ARFGEF3: variants seen among roughly 807,000 people sequenced by gnomAD.
ARFGEF3 encodes the protein brefeldin A-inhibited guanine nucleotide-exchange protein 3.
ARFGEF3 carries 96 observed loss-of-function variants against 221.7 expected under a neutral mutation model. The ratio of observed to expected loss-of-function variants is 0.43; its 90% CI spans 0.37 to 0.51. The LOEUF is 0.51. Ranked by LOEUF, ARFGEF3 falls within the 20% of genes least tolerant of loss-of-function variation. ARFGEF3 has a pLI of 0.00. For missense variants in ARFGEF3, 2,410 were observed against 2,789.9 expected, an observed-to-expected ratio of 0.86 and a Z score of 3.07; for synonymous variants, 1,145 against 1,126.8, an observed-to-expected ratio of 1.02 and a Z score of -0.32.
At chr6:138,278,129 T>C (rs906484499) in intron 12 of ARFGEF3, among the ~76,000 whole-genome samples, 2 of 152,130 alleles carry the variant, frequency 1.3e-5, no homozygotes, top group African/African-American at 4.8e-5. Flanking sequence ...GGGCTCAAGC[T>C]AGGGATAGAA....
At chr6:138,231,429 A>T (rs935800518) in intron 5 of ARFGEF3, among the ~76,000 whole-genome samples, 1 of 152,182 alleles carries the variant, frequency 6.6e-6, no homozygotes, top group Non-Finnish European at 1.5e-5. Flanking sequence ...AGCCGGCTCT[A>T]CACTGCCTAG....
At chr6:138,298,484 T>C in intron 21 of ARFGEF3, 122 bp from the exon 22 acceptor site, 1 of 718,582 alleles carries the variant, frequency 1.4e-6, no homozygotes, top group Non-Finnish European at 2.2e-6. Context: ...CTTAGAATGT[T>C]TTGATTTTAA....
At chr6:138,175,838 G>A (rs1776934628) in intron 2 of ARFGEF3, among the ~76,000 whole-genome samples, 1 of 152,164 alleles carries the variant, frequency 6.6e-6, no homozygotes, top group Admixed American at 6.5e-5. Context: ...TGCTGTGAGT[G>A]GGATGTTGAA....
intron 10 of ARFGEF3, among the ~76,000 whole-genome samples, chr6:138,257,001 T>C (rs1017869571): frequency 2.0e-5 from 3 of 152,146 alleles, no homozygotes; most frequent in African/African-American, 7.2e-5. Flanking sequence ...CTCAAACTCC[T>C]GAGCTCAAGC....
At chr6:138,286,161 A>C in intron 15 of ARFGEF3, 108 bp downstream of exon 15, 1 of 781,844 alleles carries the variant, frequency 1.3e-6, no homozygotes, top group Non-Finnish European at 2.1e-6. Context: ...GGTTAGAAAA[A>C]GTAATTGGGC....
At position 138,334,625 on chromosome 6, in the gene ARFGEF3, G is replaced by C. The variant is rs1300907261; in HGVS notation, c.5779G>C (p.Glu1927Gln). The C allele has an allele frequency of 6.2e-7, 1 of 1,613,558 alleles. No homozygotes were observed. Among genetic ancestry groups the C allele is most frequent in the Non-Finnish European group, 8.5e-7 (1 of 1,179,874 alleles). ...GCACTTGGACCTGGAGAACTGTATG[G>C]AGGAGCCTCCCATCTTCAAGGGCGA... Reference protein sequence around the residue: ...QMHLDLENCMEEPPIFKGDPF... With the variant: ...QMHLDLENCMQEPPIFKGDPF... Residue 1927 changes from glutamate (E) to glutamine (Q), a missense_variant, in exon 33 of 34, where the codon GAG (glutamate) becomes CAG (glutamine). Physicochemically the swap from Glu to Gln is conservative, Grantham distance 29. Around this residue, in one of 5 missense-constraint regions of ARFGEF3, gnomAD observed 339 missense variants for 334.9 expected, o/e 1.01. Transcript: ENST00000251691. The surrounding 1 kb of genome is among the most constrained non-coding windows in gnomAD (Gnocchi z 5.1).
At chr6:138,205,987 G>A (rs958445648) in intron 2 of ARFGEF3, among the ~76,000 whole-genome samples, 6 of 152,232 alleles carry the variant, frequency 3.9e-5, no homozygotes, top group African/African-American at 1.4e-4. Context: ...GTGTTCTACA[G>A]CAGTAACCCT....
At chr6:138,308,947 T>G (rs970932063) in intron 24 of ARFGEF3, 86 bp downstream of exon 24, 2 of 1,522,544 alleles carry the variant, frequency 1.3e-6, no homozygotes, top group Non-Finnish European at 1.8e-6. Context: ...GCCTACTGAC[T>G]GTCTGGAACA....
In ARFGEF3 at chr6:138,291,604, T is replaced by C; in HGVS notation, c.3048-129T>C. 1.9e-6 allele frequency: 1 copy of C among 518,010 alleles called. No individual in the cohort carries two copies. The allele number at this position is 518,010 out of a possible 1,614,324, so 32.1% of individuals were successfully genotyped here. On this transcript the variant is annotated intron_variant, in intron 18 of 33. Coordinates refer to ENST00000251691, the MANE Select transcript of ARFGEF3 (RefSeq NM_020340.5). This position sits in a 1 kb window ranked among gnomAD's most constrained non-coding sequence, Gnocchi z 4.5. ...CACAGGAGGGAAGGACTGACTGTCA[T>C]CACAGGAAAGAGGAAAGCTGGGGAG...
chr6:138,212,321 A>G (rs2114501480), intron 4 of ARFGEF3, among the ~76,000 whole-genome samples: 1 of 152,384 alleles, frequency 6.6e-6, no homozygotes, highest in African/African-American at 2.4e-5. Context: ...TGAGCCCAGA[A>G]GTTTGAGACC....
In ARFGEF3 at chr6:138,339,222, T is replaced by G. The variant is rs1209713561; in HGVS notation, c.*2736T>G. 6.6e-6 allele frequency: 1 copy of G among 152,262 alleles called. No homozygotes were observed. The highest frequency in any genetic ancestry group is 6.5e-5 in the Admixed American group (1 of 15,270). 9.4% of individuals were successfully genotyped at this position (152,262 alleles called of 1,614,324 possible). A position where few individuals can be genotyped will look rare whatever the true frequency, so the allele number is the denominator to read the frequency against. ...CATTCAGGTGGTTCTTCCCAGCAGG[T>G]GGAGAAGAAAGGGAGGAGATGAAGA... is the stretch of plus-strand genomic sequence containing the variant. On this transcript the variant is annotated 3_prime_UTR_variant, in exon 34 of 34. Coordinates refer to ENST00000251691, the MANE Select transcript of ARFGEF3 (RefSeq NM_020340.5).
chr6:138,311,590 T>C, intron 25 of ARFGEF3, 80 bp downstream of exon 25: 1 of 933,122 alleles, frequency 1.1e-6, no homozygotes, highest in Non-Finnish European at 1.7e-6. Flanking sequence ...GGGGGGTCTT[T>C]TGCTGAAGCC....
chr6:138,187,882 G>A (rs1417672010), intron 2 of ARFGEF3, among the ~76,000 whole-genome samples: 1 of 152,112 alleles, frequency 6.6e-6, no homozygotes, highest in Non-Finnish European at 1.5e-5. Flanking sequence ...GGGGAGTCAA[G>A]CACTCTTAAT....
rs376189986 is a variant in ARFGEF3, at chr6:138,257,272, T to C, written c.1104+1503T>C. On this transcript the variant is annotated intron_variant, in intron 10 of 33. Coordinates refer to ENST00000251691, the MANE Select transcript of ARFGEF3 (RefSeq NM_020340.5). ...CTTCCCCAGGGTCCTCCCCTACTAC[T>C]GTTCAACTTGCATCCTGGAGGGGCA... Among the ~76,000 whole-genome samples, 19 of 152,244 alleles carry C rather than the reference T, an allele frequency of 1.2e-4. 1 individual carries two copies. Among genetic ancestry groups the C allele is most frequent in the Admixed American group, 4.6e-4 (7 of 15,294 alleles).
At position 138,278,951 on chromosome 6, in the gene ARFGEF3, C is replaced by A. The variant is rs113618555; in HGVS notation, c.2295+334C>A. On this transcript the variant is annotated intron_variant, in intron 13 of 33. Transcript: ENST00000251691. ...CATGTGTATAAAACCTGTTCAAAACCACATCATTGACGTGTTAAGGGAGAT... is the reference window on the plus strand; with the variant it reads ...CATGTGTATAAAACCTGTTCAAAACAACATCATTGACGTGTTAAGGGAGAT... 5.3e-5 allele frequency among the ~76,000 whole-genome samples: 8 copies of A among 152,224 alleles called. 1 individual carries two copies. Among genetic ancestry groups the A allele is most frequent in the African/African-American group, 1.9e-4 (8 of 41,534 alleles).
rs185078744 is a variant in ARFGEF3, at chr6:138,215,013, T to C, written c.351+4972T>C. ...AAAGAGGCTCTGAAGATAGATTACC[T>C]TGGAAATGGATTAGTAGACTATTGA... On this transcript the variant is annotated intron_variant, in intron 4 of 33. Transcript: ENST00000251691. Among the ~76,000 whole-genome samples, 32 of 152,366 alleles carry C rather than the reference T, an allele frequency of 2.1e-4. No individual in the cohort carries two copies. The East Asian group carries it at 5.0e-3, about 24-fold the overall frequency.
chr6:138,292,209 C>A (rs1257027371), intron 19 of ARFGEF3, among the ~76,000 whole-genome samples, 156 bp downstream of exon 19: 2 of 152,210 alleles, frequency 1.3e-5, no homozygotes, highest in Non-Finnish European at 2.9e-5. Context: ...CCATTACATC[C>A]ATACTTGGAA....
Position 138,291,781 on chromosome 6 carries a change from T to C in ARFGEF3, c.3096T>C (p.Gly1032=). The change falls in exon 19 of 34, where the codon GGT becomes GGC. Residue 1032 remains glycine, a synonymous_variant. Transcript: ENST00000251691. This position sits in a 1 kb window ranked among gnomAD's most constrained non-coding sequence, Gnocchi z 4.5. ...GTLEHNHFSD[G]ASQPPLTISQ... The stretch of plus-strand genomic sequence containing the variant: ...TGGAGCACAACCACTTCAGCGATGG[T>C]GCCTCGCAGCCCCCTCTGACCATCA... 1 of 1,460,834 alleles carries C rather than the reference T, an allele frequency of 6.8e-7. No individual in the cohort carries two copies. The highest frequency in any genetic ancestry group is 9.1e-7 in the Non-Finnish European group (1 of 1,104,832). 90.5% of individuals were successfully genotyped at this position (1,460,834 alleles called of 1,614,324 possible). A position where few individuals can be genotyped will look rare whatever the true frequency, so the allele number is the denominator to read the frequency against.
At chr6:138,203,975 A>G (rs990936324) in intron 2 of ARFGEF3, among the ~76,000 whole-genome samples, 5 of 152,106 alleles carry the variant, frequency 3.3e-5, no homozygotes, top group Non-Finnish European at 7.4e-5. Flanking sequence ...TCTTGATGCC[A>G]TGCTTGCCTC....
Sources: allele counts gnomAD v4.1 joint callset (sites outside exome capture counted in the v4.1 genomes callset), GRCh38; gene constraint gnomAD v4.1.1; regional missense constraint gnomAD v4.1.1; non-coding constraint Gnocchi (gnomAD v3.1); transcripts MANE v1.5; gene names NCBI Gene and HGNC (gene_info 2026-07-23, HGNC 2026-07-21).